PAK1: variants seen among roughly 807,000 people sequenced by gnomAD.
PAK1 encodes p21 (RAC1) activated kinase 1, also known as serine/threonine-protein kinase PAK 1.
In PAK1, 29 loss-of-function variants were observed where a neutral mutation model predicts 67.4. That is an observed-to-expected ratio of 0.43 (90% confidence interval 0.32 to 0.59). PAK1 has a LOEUF of 0.59. Ranked by LOEUF, PAK1 falls within the 20% of genes least tolerant of loss-of-function variation. The pLI is 0.07. For synonymous variants in PAK1, 223 were observed against 237.4 expected (o/e 0.94, Z 0.56); for missense variants, 337 against 670.7 (o/e 0.50, Z 5.50).
intron 2 of PAK1, among the ~76,000 whole-genome samples, chr11:77,390,660 C>G (rs968144804): frequency 2.1e-5 from 3 of 143,032 alleles, no homozygotes; most frequent in African/African-American, 7.8e-5. Context: ...CCATGCCCGA[C>G]TCCTTTTTTT....
intron 12 of PAK1, 147 bp from the exon 13 acceptor site, chr11:77,336,429 C>G (rs1462020509): frequency 9.5e-6 from 5 of 528,650 alleles, no homozygotes; most frequent in Non-Finnish European, 1.7e-5. Flanking sequence ...ACTTGACTAC[C>G]ACCTTCATGT....
At chr11:77,439,655 C>T (rs1956272490) in intron 1 of PAK1, among the ~76,000 whole-genome samples, 1 of 152,218 alleles carries the variant, frequency 6.6e-6, no homozygotes, top group African/African-American at 2.4e-5. Context: ...CTTTCTCCTG[C>T]CCTCCTTCTA....
At chr11:77,332,526 T>C (rs1477976026) in intron 14 of PAK1, among the ~76,000 whole-genome samples, 7 of 150,976 alleles carry the variant, frequency 4.6e-5, no homozygotes, top group African/African-American at 1.7e-4. Context: ...GGAGAACGTG[T>C]AGAGTTTTAA....
At chr11:77,512,412 C>G in the PAK1 span, among the ~76,000 whole-genome samples, 6 of 152,102 alleles carry the variant, frequency 3.9e-5, no homozygotes, top group Non-Finnish European at 5.9e-5. Context: ...ATTTGCAGAC[C>G]AAACTTTGTG....
chr11:77,404,737 G>T lies in PAK1; in HGVS notation c.-21-12196C>A, dbSNP rs551678847. On this transcript the variant is annotated intron_variant, in intron 1 of 14. Transcript: ENST00000356341. Reference sequence around the variant, plus strand: ...CCGAAGCCAATTCTCTCTTATCCCTGTATTCCTTCACTCGTTCTCACCTGG... The same window carrying T: ...CCGAAGCCAATTCTCTCTTATCCCTTTATTCCTTCACTCGTTCTCACCTGG... Among the ~76,000 whole-genome samples the T allele has an allele frequency of 6.6e-5, 10 of 152,238 alleles. No individual in the cohort carries two copies. The South Asian group carries it at 8.3e-4, about 13-fold the overall frequency.
At chr11:77,422,345 G>A (rs560538903) in intron 1 of PAK1, among the ~76,000 whole-genome samples, 12 of 152,164 alleles carry the variant, frequency 7.9e-5, no homozygotes, top group East Asian at 1.9e-4. Context: ...TGAATCACCC[G>A]GGGTCAAGAG....
chr11:77,355,599 G>A (rs1024667294), intron 7 of PAK1, 69 bp downstream of exon 7: 18 of 1,331,302 alleles, frequency 1.4e-5, no homozygotes, highest in Non-Finnish European at 1.7e-5. Context: ...CCAAGCCTAC[G>A]ACCAGCAAAT....
the PAK1 span, among the ~76,000 whole-genome samples, chr11:77,516,221 G>T: frequency 6.6e-6 from 1 of 152,174 alleles, no homozygotes; most frequent in African/African-American, 2.4e-5. Flanking sequence ...TGCATTCAAT[G>T]TATGGTAGCC....
At chr11:77,326,812 G>T (rs1940027021) in intron 14 of PAK1, among the ~76,000 whole-genome samples, 1 of 152,156 alleles carries the variant, frequency 6.6e-6, no homozygotes, top group Non-Finnish European at 1.5e-5. Flanking sequence ...GTTGAAAGAA[G>T]GCCTCAGATG....
the PAK1 span, among the ~76,000 whole-genome samples, chr11:77,516,269 G>C: frequency 6.6e-6 from 1 of 152,160 alleles, no homozygotes; most frequent in Admixed American, 6.5e-5. Context: ...CTCCAGCATT[G>C]AACCTTAGGT....
intron 1 of PAK1, among the ~76,000 whole-genome samples, chr11:77,463,290 C>T (rs1957445244): frequency 6.6e-6 from 1 of 151,906 alleles, no homozygotes; most frequent in South Asian, 2.1e-4. Flanking sequence ...ATAAAGAAAA[C>T]ACAGCAAAAT....
At chr11:77,343,579 A>G (rs1943964923) in intron 10 of PAK1, among the ~76,000 whole-genome samples, 1 of 152,220 alleles carries the variant, frequency 6.6e-6, no homozygotes, top group Admixed American at 6.5e-5. Context: ...AGGCAAAACA[A>G]ACAGTACGAG....
At chr11:77,327,355 A>C (rs1445629879) in intron 14 of PAK1, among the ~76,000 whole-genome samples, 1 of 151,988 alleles carries the variant, frequency 6.6e-6, no homozygotes, top group Admixed American at 6.6e-5. Context: ...AGTTGAAATG[A>C]AGGAAAAAAT....
At chr11:77,510,868 A>T in the PAK1 span, among the ~76,000 whole-genome samples, 5 of 152,208 alleles carry the variant, frequency 3.3e-5, 1 homozygote, top group African/African-American at 9.6e-5. Context: ...TATTTTATTT[A>T]TTTGGCTTAT....
intron 1 of PAK1, among the ~76,000 whole-genome samples, chr11:77,438,438 T>C (rs1332414747): frequency 6.6e-6 from 1 of 152,214 alleles, no homozygotes; most frequent in Non-Finnish European, 1.5e-5. Flanking sequence ...CCAAACTGTA[T>C]CAAAGGCTTG....
chr11:77,387,110 T>C (rs1950549598), intron 2 of PAK1, among the ~76,000 whole-genome samples: 1 of 146,490 alleles, frequency 6.8e-6, no homozygotes, highest in Non-Finnish European at 1.5e-5. Context: ...TTTCACTCTG[T>C]TACCCAGGCT....
At chr11:77,373,219 C>T (rs1948663842) in intron 5 of PAK1, among the ~76,000 whole-genome samples, 1 of 152,060 alleles carries the variant, frequency 6.6e-6, no homozygotes. Flanking sequence ...CACCTATGTA[C>T]AAGAGACAAC....
intron 1 of PAK1, among the ~76,000 whole-genome samples, chr11:77,424,884 C>T (rs779862316): frequency 3.3e-5 from 5 of 152,170 alleles, no homozygotes; most frequent in African/African-American, 9.7e-5. Flanking sequence ...CCCTTGTTTA[C>T]GAAATGCTTC....
At chr11:77,481,506 C>T in the PAK1 span, among the ~76,000 whole-genome samples, 1 of 151,942 alleles carries the variant, frequency 6.6e-6, no homozygotes, top group African/African-American at 2.4e-5. Context: ...GAAACCCCAT[C>T]TCTACTAAAA....
Sources: gnomAD v4.1 joint callset for allele counts (sites outside exome capture counted in the v4.1 genomes callset) on GRCh38, gnomAD v4.1.1 for gene constraint, MANE v1.5 for transcripts, NCBI Gene and HGNC (gene_info 2026-07-23, HGNC 2026-07-21) for gene names.